Variants in ARHGAP32 observed in about 807,000 individuals in gnomAD.
ARHGAP32 encodes Rho GTPase activating protein 32, also known as rho GTPase-activating protein 32.
ARHGAP32 carries 51 observed loss-of-function variants against 186.5 expected under a neutral mutation model. That is an observed-to-expected ratio of 0.27 (90% CI 0.22 to 0.35). The LOEUF (loss-of-function observed/expected upper bound fraction) is 0.35, where lower values mean the gene tolerates loss of function less well. Ranked by LOEUF, ARHGAP32 falls within the 10% of genes least tolerant of loss-of-function variation. The probability of loss-of-function intolerance (pLI) is 1.00; values close to 1 mark genes in which losing one functional copy is unlikely to be tolerated. For missense variants in ARHGAP32, 2,186 were observed against 2,623.5 expected (o/e 0.83, Z 3.64); for synonymous variants, 950 against 964.3 (o/e 0.99, Z 0.27).
chr11:129,173,480 T>C (rs539685130), intron 1 of ARHGAP32, among the ~76,000 whole-genome samples: 1 of 152,298 alleles, frequency 6.6e-6, no homozygotes, highest in Non-Finnish European at 1.5e-5. Context: ...GAAGCCAGCA[T>C]CATCCTGATA....
At chr11:129,176,699 C>A (rs1943923673) in intron 1 of ARHGAP32, among the ~76,000 whole-genome samples, 2 of 149,280 alleles carry the variant, frequency 1.3e-5, no homozygotes, top group East Asian at 2.0e-4. Context: ...GGGTACATAA[C>A]GAAATGAAGG....
intron 1 of ARHGAP32, among the ~76,000 whole-genome samples, chr11:129,235,900 A>AACACACACACACACAC (rs57291313): frequency 2.3e-3 from 328 of 145,738 alleles, no homozygotes; most frequent in Middle Eastern, 7.0e-3. Flanking sequence ...GTCATTCATA[A>AACACACACACACACAC]ACACACACAC....
Position 129,063,903 on chromosome 11 carries a change from T to C in ARHGAP32, c.884A>G (p.Glu295Gly). ...CAAACAACCACTTTAACTATTTACC[T>C]CTAAGGTCAGTTCGTCAGGGGCCCG... ...TARAPDELTL[E>G]VGDIVSVIDM... The change falls in exon 9 of 23, where the codon GAG becomes GGG. Residue 295 changes from glutamate (E) to glycine (G), a missense_variant and splice_region_variant. Physicochemically the swap from Glu to Gly is moderately conservative, Grantham distance 98. Transcript: ENST00000682385. 1 of 1,606,712 alleles carries C rather than the reference T, an allele frequency of 6.2e-7. No individual in the cohort carries two copies. The highest frequency in any genetic ancestry group is 1.1e-5 in the South Asian group (1 of 89,472).
chr11:129,085,294 G>A (rs1435386429), intron 6 of ARHGAP32, among the ~76,000 whole-genome samples: 2 of 151,978 alleles, frequency 1.3e-5, no homozygotes, highest in Non-Finnish European at 2.9e-5. Flanking sequence ...CCAAAGTGCT[G>A]GGATTACAGG....
intron 11 of ARHGAP32, among the ~76,000 whole-genome samples, chr11:129,021,798 T>C (rs753984356): frequency 6.6e-6 from 1 of 152,094 alleles, no homozygotes; most frequent in African/African-American, 2.4e-5. Flanking sequence ...TAAGAAGTAT[T>C]TTTAACTTGC....
intron 1 of ARHGAP32, among the ~76,000 whole-genome samples, chr11:129,228,736 TA>T (rs1259343823): frequency 6.6e-6 from 1 of 152,042 alleles, no homozygotes; most frequent in East Asian, 1.9e-4. Context: ...AGCATCAAGA[TA>T]AGTAGCTAAT....
chr11:129,220,201 G>C (rs547100684), intron 1 of ARHGAP32, among the ~76,000 whole-genome samples: 1 of 152,250 alleles, frequency 6.6e-6, no homozygotes, highest in East Asian at 1.9e-4. Context: ...AGATAATGTA[G>C]CTTAAATCCC....
At chr11:129,193,597 AT>A (rs1591688977), upstream of ARHGAP32, among the ~76,000 whole-genome samples, 11 of 33,992 alleles carry the variant, frequency 3.2e-4, no homozygotes, top group Admixed American at 5.7e-4. Context: ...AATATATGTT[AT>A]ATATAATATA....
intron 6 of ARHGAP32, among the ~76,000 whole-genome samples, chr11:129,074,498 TTTC>T (rs1940974627): frequency 6.6e-6 from 1 of 152,094 alleles, no homozygotes; most frequent in African/African-American, 2.4e-5. Flanking sequence ...AAAAAAAATT[TTTC>T]TTCTTTTTTT....
At chr11:129,193,319 G>C (rs1378642509), upstream of ARHGAP32, among the ~76,000 whole-genome samples, 3 of 20,062 alleles carry the variant, frequency 1.5e-4, 1 homozygote, top group Admixed American at 5.1e-4. Flanking sequence ...GGGGGGGGGG[G>C]GGGGGGGGCG....
chr11:129,059,862 C>A (rs1173364093), intron 10 of ARHGAP32, among the ~76,000 whole-genome samples: 1 of 152,022 alleles, frequency 6.6e-6, no homozygotes, highest in African/African-American at 2.4e-5. Flanking sequence ...TACACGGGCA[C>A]CCCCCACATC....
At chr11:129,245,370 A>G (rs1276519316) in intron 1 of ARHGAP32, among the ~76,000 whole-genome samples, 1 of 147,226 alleles carries the variant, frequency 6.8e-6, no homozygotes, top group Non-Finnish European at 1.5e-5. Flanking sequence ...AACACCGCAT[A>G]TTCTCACTCA....
intron 6 of ARHGAP32, among the ~76,000 whole-genome samples, chr11:129,080,893 C>A (rs1173709126): frequency 2.6e-5 from 4 of 151,966 alleles, no homozygotes; most frequent in Non-Finnish European, 5.9e-5. Flanking sequence ...GAAGATCCAA[C>A]TAAGCTGAAT....
At position 129,168,179 on chromosome 11, in the gene ARHGAP32, G is replaced by A. The variant is rs150198523; in HGVS notation, c.117-3752C>T. ...GAAGATCACCTGAGCCCAGGATGTCGAGGCTGCAGTGAGCCATGTTCACAC... is the reference window on the plus strand; with the variant it reads ...GAAGATCACCTGAGCCCAGGATGTCAAGGCTGCAGTGAGCCATGTTCACAC... On this transcript the variant is annotated intron_variant, in intron 1 of 22. Transcript: ENST00000682385. 2.4e-4 allele frequency among the ~76,000 whole-genome samples: 37 copies of A among 152,264 alleles called. No individual in the cohort carries two copies. The South Asian group carries it at 7.5e-3, about 31-fold the overall frequency.
At chr11:129,219,699 C>A (rs527582066) in intron 1 of ARHGAP32, among the ~76,000 whole-genome samples, 1 of 152,222 alleles carries the variant, frequency 6.6e-6, no homozygotes, top group Admixed American at 6.5e-5. Flanking sequence ...GCATACTATG[C>A]ATAAAGATAA....
intron 1 of ARHGAP32, among the ~76,000 whole-genome samples, chr11:129,240,874 T>C (rs1945007183): frequency 6.6e-6 from 1 of 152,206 alleles, no homozygotes; most frequent in Non-Finnish European, 1.5e-5. Flanking sequence ...AGACTAAGTT[T>C]AAAAGTAACA....
rs751427744 is a variant in ARHGAP32, at chr11:129,140,156, A to T, written c.226-15262T>A. Among the ~76,000 whole-genome samples, 194 of 152,274 alleles carry T rather than the reference A, an allele frequency of 1.3e-3. 1 individual carries two copies. Among genetic ancestry groups the T allele is most frequent in the Admixed American group, 3.1e-3 (48 of 15,290 alleles). ...GTACCACCCCTGGCTTTGAAGCCTG[A>T]GGGGGTCACATGAGAGGGAATTCAT... On this transcript the variant is annotated intron_variant, in intron 2 of 22. Coordinates refer to ENST00000682385, the MANE Select transcript of ARHGAP32 (RefSeq NM_001378024.1).
intron 1 of ARHGAP32, among the ~76,000 whole-genome samples, chr11:129,275,011 T>C (rs1945514836): frequency 6.6e-6 from 1 of 152,078 alleles, no homozygotes; most frequent in South Asian, 2.1e-4. Context: ...TCAGGATCTA[T>C]AAAAAACAGA....
At chr11:128,986,432 C>T (rs924817829) in intron 14 of ARHGAP32, 92 bp downstream of exon 14, 1 of 1,385,870 alleles carries the variant, frequency 7.2e-7, no homozygotes, top group South Asian at 1.3e-5. Flanking sequence ...AGAACTATTT[C>T]TTACATGTGA....
Sources: allele counts gnomAD v4.1 joint callset (sites outside exome capture counted in the v4.1 genomes callset), GRCh38; gene constraint gnomAD v4.1.1; transcripts MANE v1.5; gene names NCBI Gene and HGNC (gene_info 2026-07-23, HGNC 2026-07-21).